PCNX1: variants seen among roughly 807,000 people sequenced by gnomAD.
PCNX1 encodes pecanex-like protein 1.
A neutral mutation model predicts 242.2 loss-of-function variants in PCNX1; 78 were observed. The ratio of observed to expected loss-of-function variants is 0.32; its 90% CI spans 0.27 to 0.39. The LOEUF (loss-of-function observed/expected upper bound fraction) is 0.39. PCNX1 is among the 10% of genes least tolerant of loss of function. PCNX1 has a pLI of 1.00. For missense variants in PCNX1, 2,581 were observed against 2,856.5 expected (o/e 0.90, Z 2.20); for synonymous variants, 1,024 against 1,032.9 (o/e 0.99, Z 0.17).
intron 6 of PCNX1, among the ~76,000 whole-genome samples, chr14:70,980,825 C>G (rs1168505595): frequency 6.6e-6 from 1 of 152,140 alleles, no homozygotes; most frequent in Non-Finnish European, 1.5e-5. Flanking sequence ...TGAAACCTGT[C>G]AACCATCATG....
At chr14:71,076,469 T>C (rs1314821971) in intron 28 of PCNX1, 50 bp downstream of exon 28, 3 of 1,193,908 alleles carry the variant, frequency 2.5e-6, no homozygotes, top group South Asian at 1.2e-5. Flanking sequence ...TTTCCAAAGA[T>C]GCAAAGAATG....
intron 1 of PCNX1, among the ~76,000 whole-genome samples, chr14:70,946,036 A>G (rs1190324274): frequency 6.6e-6 from 1 of 152,164 alleles, no homozygotes; most frequent in East Asian, 1.9e-4. Context: ...CAAGCCTGCC[A>G]CCTGTGGACT....
chr14:71,079,597 T>C (rs573946719), intron 28 of PCNX1, among the ~76,000 whole-genome samples: 2 of 152,354 alleles, frequency 1.3e-5, no homozygotes, highest in African/African-American at 4.8e-5. Flanking sequence ...TGGTATCTCA[T>C]TGTGGTTTTG....
At position 70,907,692 on chromosome 14, in the gene PCNX1, T is replaced by C; in HGVS notation, c.-159T>C. 1.2e-6 allele frequency: 1 copy of C among 844,252 alleles called. No individual in the cohort carries two copies. The highest frequency in any genetic ancestry group is 1.5e-6 in the Non-Finnish European group (1 of 668,124). 52.3% of individuals were successfully genotyped at this position (844,252 alleles called of 1,614,324 possible). A position where few individuals can be genotyped will look rare whatever the true frequency, so the allele number is the denominator to read the frequency against. ...CTCGTTTGCTGCCTCCTCCTCCTCC[T>C]GCAGCAGCACCAGCGACCGCCGAAG... On this transcript the variant is annotated 5_prime_UTR_variant, in exon 1 of 36. Coordinates refer to ENST00000304743, the MANE Select transcript of PCNX1 (RefSeq NM_014982.3).
At chr14:70,919,824 T>C (rs1042232401) in intron 1 of PCNX1, among the ~76,000 whole-genome samples, 3 of 149,576 alleles carry the variant, frequency 2.0e-5, no homozygotes, top group Non-Finnish European at 3.0e-5. Context: ...TTTTATAACT[T>C]GCACTGTCAG....
Position 71,055,517 on chromosome 14 carries a change from G to A in PCNX1, c.4591G>A (p.Asp1531Asn). 6.2e-7 allele frequency: 1 copy of A among 1,602,826 alleles called. No homozygotes were observed. The highest frequency in any genetic ancestry group is 1.1e-5 in the South Asian group (1 of 90,328). The change falls in exon 25 of 36, where the codon GAT (aspartate) becomes AAT (asparagine). Residue 1531 changes from aspartate to asparagine, a missense_variant. Coordinates refer to ENST00000304743, the MANE Select transcript of PCNX1 (RefSeq NM_014982.3). ...TATTTTCTTTAGCACAAAACGAGTG[G>A]ATCATTCAAATACCAGATTGGCTTC... is the stretch of plus-strand genomic sequence containing the variant. ...WERDYNTKRV[D>N]HSNTRLASQL...
chr14:71,076,548 C>A, intron 28 of PCNX1, 129 bp downstream of exon 28: 1 of 648,504 alleles, frequency 1.5e-6, no homozygotes, highest in Non-Finnish European at 2.7e-6. Context: ...TTAAGATAAC[C>A]TAACTGGTTC....
rs1312289320 is a variant in PCNX1 at position 70,941,728 on chromosome 14, G to C, written c.154-5187G>C. On this transcript the variant is annotated intron_variant, in intron 1 of 35. Transcript: ENST00000304743. ...TGTTCAGCTATGCCCTGCCCCCAGA[G>C]GTGGATTCTACAGAGGCAGGCAGGC... Among the ~76,000 whole-genome samples, 7 of 152,348 alleles carry C rather than the reference G, an allele frequency of 4.6e-5. No individual in the cohort carries two copies. The South Asian group carries it at 6.2e-4, about 14-fold the overall frequency.
chr14:70,967,282 C>T (rs1194140603), intron 3 of PCNX1, among the ~76,000 whole-genome samples: 1 of 152,084 alleles, frequency 6.6e-6, no homozygotes, highest in African/African-American at 2.4e-5. Context: ...TAAATCAAAC[C>T]AATGAAGAGG....
At chr14:71,006,303 T>C (rs146858262) in intron 8 of PCNX1, among the ~76,000 whole-genome samples, 356 of 152,214 alleles carry the variant, frequency 2.3e-3, no homozygotes, top group African/African-American at 7.0e-3. Context: ...GCTTTTTGTG[T>C]ATGTGTCTTT....
At chr14:71,076,094 T>G (rs2061711530) in intron 27 of PCNX1, 95 bp from the exon 28 acceptor site, 1 of 742,286 alleles carries the variant, frequency 1.3e-6, no homozygotes, top group African/African-American at 1.8e-5. Flanking sequence ...CTATTTATCA[T>G]TATAAATAAT....
At chr14:71,005,622 G>A (rs765670925) in intron 8 of PCNX1, among the ~76,000 whole-genome samples, 19 of 152,124 alleles carry the variant, frequency 1.2e-4, no homozygotes, top group Admixed American at 5.2e-4. Flanking sequence ...TACTGATAGG[G>A]TAAGTTAGAG....
chr14:70,950,583 A>C (rs1034244345), intron 2 of PCNX1, among the ~76,000 whole-genome samples: 1 of 152,142 alleles, frequency 6.6e-6, no homozygotes, highest in Non-Finnish European at 1.5e-5. Context: ...CCATTTAATG[A>C]CTATGACCAG....
chr14:70,966,605 T>C (rs2526877), intron 3 of PCNX1, among the ~76,000 whole-genome samples: 96,323 of 151,998 alleles, frequency 0.63, 30,792 homozygotes, highest in South Asian at 0.72. Flanking sequence ...AGGGACTGGG[T>C]GTACTTCTCA....
At chr14:71,049,417 G>A (rs1025447616) in intron 22 of PCNX1, among the ~76,000 whole-genome samples, 1 of 152,018 alleles carries the variant, frequency 6.6e-6, no homozygotes, top group African/African-American at 2.4e-5. Context: ...TCATTGTAAG[G>A]TACATCATGG....
chr14:70,961,817 A>T (rs1309530726), intron 2 of PCNX1, among the ~76,000 whole-genome samples: 1 of 152,194 alleles, frequency 6.6e-6, no homozygotes, highest in Non-Finnish European at 1.5e-5. Context: ...GGATTCGTTA[A>T]TGTAATATCT....
chr14:71,009,786 T>G (rs1241816181), intron 9 of PCNX1, 62 bp downstream of exon 9: 1 of 1,006,940 alleles, frequency 9.9e-7, no homozygotes, highest in African/African-American at 1.6e-5. Flanking sequence ...TTTAATGTTT[T>G]TAAGCCTAGA....
chr14:70,993,098 A>G (rs1261344778), intron 7 of PCNX1, among the ~76,000 whole-genome samples: 1 of 150,170 alleles, frequency 6.7e-6, no homozygotes, highest in African/African-American at 2.5e-5. Flanking sequence ...ATTTATTAGA[A>G]ATTTTAATAA....
At chr14:71,076,889 A>G (rs1480764288) in intron 28 of PCNX1, among the ~76,000 whole-genome samples, 1 of 152,254 alleles carries the variant, frequency 6.6e-6, no homozygotes, top group African/African-American at 2.4e-5. Flanking sequence ...AAATGTGGCT[A>G]GTACAACTGA....
Sources: gnomAD v4.1 joint callset for allele counts (sites outside exome capture counted in the v4.1 genomes callset) on GRCh38, gnomAD v4.1.1 for gene constraint, MANE v1.5 for transcripts, NCBI Gene and HGNC (gene_info 2026-07-23, HGNC 2026-07-21) for gene names.